Variants in GRIP1 observed in about 807,000 individuals in gnomAD.
The protein encoded by GRIP1 is glutamate receptor interacting protein 1, also known as glutamate receptor-interacting protein 1.
A neutral mutation model predicts 129.9 loss-of-function variants in GRIP1; 45 were observed. The observed-to-expected ratio is 0.35, with a 90% CI of 0.27 to 0.44. The LOEUF (loss-of-function observed/expected upper bound fraction) is 0.44, where lower values mean the gene tolerates loss of function less well. Among genes scored for constraint, GRIP1 ranks in the 20% least tolerant of loss-of-function variants. GRIP1 has a pLI of 1.00. For synonymous variants in GRIP1, 530 were observed against 520.8 expected, an observed-to-expected ratio of 1.02 and a Z score of -0.24; for missense variants, 1,196 against 1,396.8, an observed-to-expected ratio of 0.86 and a Z score of 2.29.
At chr12:66,563,420 C>T (rs1475321824) in intron 2 of GRIP1, 1 of 152,100 alleles carries the variant, frequency 6.6e-6, no homozygotes, top group East Asian at 1.9e-4. Flanking sequence ...ATAACTGCCA[C>T]AGAGGAAAAA....
chr12:66,678,425 C>T (rs1042342670), intron 1 of GRIP1, among the ~76,000 whole-genome samples: 5 of 152,108 alleles, frequency 3.3e-5, no homozygotes, highest in Non-Finnish European at 5.9e-5. Flanking sequence ...AACAATTATT[C>T]TGTGGATCCA....
chr12:66,541,059 C>A (rs1229836953), intron 3 of GRIP1, among the ~76,000 whole-genome samples: 4 of 152,134 alleles, frequency 2.6e-5, no homozygotes, highest in Non-Finnish European at 5.9e-5. Context: ...AGGTGATTCA[C>A]CTGCCTTGGC....
intron 1 of GRIP1, among the ~76,000 whole-genome samples, chr12:66,746,162 CTTG>C (rs952102075): frequency 1.3e-5 from 2 of 152,072 alleles, no homozygotes; most frequent in African/African-American, 4.8e-5. Context: ...CATCAGAAAT[CTTG>C]TTGTTTGAAA....
intron 1 of GRIP1, among the ~76,000 whole-genome samples, chr12:66,886,953 G>T (rs1359686477): frequency 6.6e-6 from 1 of 152,184 alleles, no homozygotes; most frequent in East Asian, 1.9e-4. Flanking sequence ...CTAAGTGAGA[G>T]CTATACGAGA....
intron 1 of GRIP1, among the ~76,000 whole-genome samples, chr12:66,617,121 G>GTGTGTGTT (rs2065074981): frequency 6.7e-6 from 1 of 148,276 alleles, no homozygotes; most frequent in African/African-American, 2.5e-5. Context: ...GTGTGTGTGT[G>GTGTGTGTT]TGTGTCTGCA....
chr12:67,036,276 ACTTAC>A (rs1444170542), intron 1 of GRIP1, among the ~76,000 whole-genome samples: 4 of 152,068 alleles, frequency 2.6e-5, no homozygotes, highest in Non-Finnish European at 4.4e-5. Context: ...GTTCTTTCCT[ACTTAC>A]CTTAACTGCT....
intron 1 of GRIP1, among the ~76,000 whole-genome samples, chr12:66,927,297 T>G (rs1476618142): frequency 6.6e-6 from 1 of 152,152 alleles, no homozygotes; most frequent in Admixed American, 6.5e-5. Flanking sequence ...TAAGTATGTG[T>G]GGTATGCTCA....
At chr12:66,750,916 G>A (rs572035136) in intron 1 of GRIP1, among the ~76,000 whole-genome samples, 2 of 152,250 alleles carry the variant, frequency 1.3e-5, no homozygotes, top group South Asian at 4.1e-4. Flanking sequence ...GCAATGAACA[G>A]TAATTCATCT....
At chr12:66,722,883 G>A (rs2036102433) in intron 1 of GRIP1, among the ~76,000 whole-genome samples, 1 of 152,100 alleles carries the variant, frequency 6.6e-6, no homozygotes, top group Non-Finnish European at 1.5e-5. Context: ...TTACTTGAAA[G>A]TACAGTAGTA....
intron 1 of GRIP1, among the ~76,000 whole-genome samples, chr12:66,783,763 A>T (rs1253514542): frequency 1.3e-5 from 2 of 152,148 alleles, no homozygotes; most frequent in Admixed American, 1.3e-4. Context: ...TTTTGAGTTC[A>T]ATACTATCTC....
chr12:66,579,755 T>C (rs555328532), intron 2 of GRIP1, among the ~76,000 whole-genome samples: 43 of 151,938 alleles, frequency 2.8e-4, no homozygotes, highest in African/African-American at 9.9e-4. Flanking sequence ...TATGGGACTA[T>C]GTGAAAAGAC....
intron 15 of GRIP1, among the ~76,000 whole-genome samples, chr12:66,418,500 A>G (rs577756613): frequency 6.6e-6 from 1 of 152,328 alleles, no homozygotes; most frequent in East Asian, 1.9e-4. Context: ...AAGTGAAGAG[A>G]CAACTCACAT....
chr12:66,825,708 T>G (rs1351755765), intron 1 of GRIP1, among the ~76,000 whole-genome samples: 1 of 152,202 alleles, frequency 6.6e-6, no homozygotes, highest in African/African-American at 2.4e-5. Context: ...GCTGCTCTTA[T>G]TGTAATAGAA....
chr12:66,697,979 A>G (rs2035222427), intron 1 of GRIP1, among the ~76,000 whole-genome samples: 1 of 152,216 alleles, frequency 6.6e-6, no homozygotes, highest in Admixed American at 6.5e-5. Flanking sequence ...GTATTCTACA[A>G]CTAGAAAAAA....
intron 16 of GRIP1, among the ~76,000 whole-genome samples, chr12:66,398,965 G>A (rs776899718): frequency 6.6e-6 from 1 of 151,878 alleles, no homozygotes. Context: ...ACTATGTCTG[G>A]TACCAAAGCA....
At chr12:66,681,208 G>C (rs1213345495), upstream of GRIP1, among the ~76,000 whole-genome samples, 1 of 152,086 alleles carries the variant, frequency 6.6e-6, no homozygotes, top group Non-Finnish European at 1.5e-5. Context: ...GAGCCTCCTG[G>C]AGTAATTCTT....
At chr12:66,356,200 G>T (rs2054482341) in intron 23 of GRIP1, among the ~76,000 whole-genome samples, 1 of 152,238 alleles carries the variant, frequency 6.6e-6, no homozygotes, top group Non-Finnish European at 1.5e-5. Context: ...GCCTGTGGAT[G>T]TTGAGTGAGC....
chr12:66,792,487 T>C (rs1177085181), intron 1 of GRIP1, among the ~76,000 whole-genome samples: 4 of 152,206 alleles, frequency 2.6e-5, no homozygotes, highest in Admixed American at 2.0e-4. Context: ...AGGGGTGAGC[T>C]TGAGTTCAGG....
chr12:66,411,240 C>T (rs1432079602), intron 15 of GRIP1, among the ~76,000 whole-genome samples: 1 of 152,120 alleles, frequency 6.6e-6, no homozygotes, highest in African/African-American at 2.4e-5. Context: ...AGATCGGCAT[C>T]AGGTCAGTGC....
Sources: gnomAD v4.1 joint callset for allele counts (sites outside exome capture counted in the v4.1 genomes callset) on GRCh38, gnomAD v4.1.1 for gene constraint, MANE v1.5 for transcripts, NCBI Gene and HGNC (gene_info 2026-07-23, HGNC 2026-07-21) for gene names.